The following DPYSL3 variants were observed in gnomAD, a reference collection of about 807,000 sequenced individuals.
DPYSL3 encodes the protein dihydropyrimidinase like 3.
DPYSL3 carries 16 observed loss-of-function variants against 66.1 expected under a neutral mutation model. That is an observed-to-expected ratio of 0.24 (90% confidence interval 0.16 to 0.37). The LOEUF (loss-of-function observed/expected upper bound fraction) is 0.37. Ranked by LOEUF, DPYSL3 falls within the 10% of genes least tolerant of loss-of-function variation. The pLI is 1.00. For missense variants in DPYSL3, 738 were observed against 916.2 expected (o/e 0.81, Z 2.51); for synonymous variants, 338 against 345.1 (o/e 0.98, Z 0.23).
chr5:147,395,882 A>G (rs1757956048), intron 12 of DPYSL3, among the ~76,000 whole-genome samples, 161 bp from the exon 13 acceptor site: 1 of 152,198 alleles, frequency 6.6e-6, no homozygotes. Flanking sequence ...AAATAAATAA[A>G]GGAGGATGTG....
intron 1 of DPYSL3, among the ~76,000 whole-genome samples, chr5:147,485,475 G>A (rs1458360022): frequency 2.0e-5 from 3 of 151,948 alleles, no homozygotes. Context: ...ATATGAATAT[G>A]ACATTATTTA....
At chr5:147,452,288 C>T (rs1443487169) in intron 1 of DPYSL3, among the ~76,000 whole-genome samples, 4 of 152,180 alleles carry the variant, frequency 2.6e-5, no homozygotes, top group Admixed American at 2.6e-4. Context: ...CAAACAGACT[C>T]ATGCCCACAA....
chr5:147,402,458 C>T (rs1378700502), intron 8 of DPYSL3, among the ~76,000 whole-genome samples: 1 of 148,052 alleles, frequency 6.8e-6, no homozygotes, highest in Non-Finnish European at 1.5e-5. Flanking sequence ...CGCCATTCTC[C>T]TGCCTCAGCC....
intron 1 of DPYSL3, among the ~76,000 whole-genome samples, chr5:147,476,643 A>G (rs570184349): frequency 1.3e-5 from 2 of 152,154 alleles, no homozygotes; most frequent in Non-Finnish European, 2.9e-5. Context: ...AAAAATGCAA[A>G]CTGGTGAAAT....
rs1213688457 is a variant in DPYSL3, at chr5:147,460,273, C to T, written c.382-35310G>A. 5.3e-5 allele frequency among the ~76,000 whole-genome samples: 8 copies of T among 152,190 alleles called. No homozygotes were observed. In the South Asian group the frequency reaches 1.2e-3, roughly 24 times the overall value. ...GCATCATGGGGAGAGATACTATAGTCTGATGAACTTATCTGAACTTCAGAA... is the reference window on the plus strand; with the variant it reads ...GCATCATGGGGAGAGATACTATAGTTTGATGAACTTATCTGAACTTCAGAA... On this transcript the variant is annotated intron_variant, in intron 1 of 13. Transcript: ENST00000343218.
At chr5:147,422,659 T>C (rs758614548) in intron 2 of DPYSL3, among the ~76,000 whole-genome samples, 1 of 151,906 alleles carries the variant, frequency 6.6e-6, no homozygotes, top group African/African-American at 2.4e-5. Context: ...CATCATGAAA[T>C]ACTATGCAGC....
chr5:147,453,652 C>G (rs923117377), intron 1 of DPYSL3: 1 of 1,501,986 alleles, frequency 6.7e-7, no homozygotes, highest in Non-Finnish European at 8.9e-7. Context: ...TCGCCCGCGC[C>G]TTCCTCAGCG....
In DPYSL3 at chr5:147,509,926, G is replaced by T; in HGVS notation, c.-68C>A. 1 of 1,452,916 alleles carries T rather than the reference G, an allele frequency of 6.9e-7. No homozygotes were observed. Among genetic ancestry groups the T allele is most frequent in the Non-Finnish European group, 9.0e-7 (1 of 1,105,516 alleles). 90.0% of individuals were successfully genotyped at this position (1,452,916 alleles called of 1,614,324 possible). On this transcript the variant is annotated 5_prime_UTR_variant, in exon 1 of 14. Transcript: ENST00000343218. The surrounding 1 kb of genome is among the most constrained non-coding windows in gnomAD (Gnocchi z 5.3). Reference sequence around the variant, plus strand: ...GGCGGAAAGGGCAGCCGCCGGCAGCGTGCGCCGAGCCACAGTGACTGTGGC... The same window carrying T: ...GGCGGAAAGGGCAGCCGCCGGCAGCTTGCGCCGAGCCACAGTGACTGTGGC...
chr5:147,478,758 T>C lies in DPYSL3; in HGVS notation c.381+30720A>G, dbSNP rs139800173. ...TTGAGGCTGTGGGGAACCTTTCTTA[T>C]CCCTCAAGGTTGGTTCTCTATCTGT... is the stretch of plus-strand genomic sequence containing the variant. On this transcript the variant is annotated intron_variant, in intron 1 of 13. Transcript: ENST00000343218. Among the ~76,000 whole-genome samples, 22 of 152,272 alleles carry C rather than the reference T, an allele frequency of 1.4e-4. No individual in the cohort carries two copies. In the East Asian group the frequency reaches 4.3e-3, roughly 29 times the overall value.
intron 2 of DPYSL3, among the ~76,000 whole-genome samples, chr5:147,422,154 A>G (rs1752093849): frequency 6.6e-6 from 1 of 152,182 alleles, no homozygotes; most frequent in African/African-American, 2.4e-5. Flanking sequence ...ACTTTACAAG[A>G]AAAAAACAAA....
chr5:147,500,440 C>A (rs148659125), intron 1 of DPYSL3, among the ~76,000 whole-genome samples: 2 of 151,882 alleles, frequency 1.3e-5, no homozygotes, highest in Non-Finnish European at 2.9e-5. Context: ...ATGGTGAAAT[C>A]GCATATCTAC....
chr5:147,494,709 CAAAAAAAAA>C (rs35761170), intron 1 of DPYSL3, among the ~76,000 whole-genome samples: 3 of 83,564 alleles, frequency 3.6e-5, no homozygotes, highest in Non-Finnish European at 7.2e-5. Flanking sequence ...ACGAAAAATA[CAAAAAAAAA>C]AAAAAAAAAA....
At chr5:147,495,982 T>C (rs570309287) in intron 1 of DPYSL3, among the ~76,000 whole-genome samples, 1 of 152,338 alleles carries the variant, frequency 6.6e-6, no homozygotes, top group South Asian at 2.1e-4. Context: ...GGCATCATGC[T>C]ACCTGACTTC....
At chr5:147,457,810 G>A (rs1752875301) in intron 1 of DPYSL3, among the ~76,000 whole-genome samples, 1 of 152,168 alleles carries the variant, frequency 6.6e-6, no homozygotes, top group Non-Finnish European at 1.5e-5. Flanking sequence ...TGTTTGAGTG[G>A]AGGGCTTGCC....
chr5:147,431,827 T>G (rs1265404801), intron 1 of DPYSL3, among the ~76,000 whole-genome samples: 2 of 152,004 alleles, frequency 1.3e-5, no homozygotes, highest in African/African-American at 4.8e-5. Context: ...AAATAAGCCC[T>G]TGTGAGGAGA....
At chr5:147,465,459 C>G (rs2126416031) in intron 1 of DPYSL3, among the ~76,000 whole-genome samples, 1 of 152,232 alleles carries the variant, frequency 6.6e-6, no homozygotes, top group South Asian at 2.1e-4. Context: ...GCCGCCACGC[C>G]TGGCTAATTT....
Position 147,498,894 on chromosome 5 carries a change from T to G in DPYSL3, c.381+10584A>C, listed in dbSNP as rs186324822. Among the ~76,000 whole-genome samples the G allele has an allele frequency of 3.9e-3, 591 of 152,338 alleles. 2 individuals are homozygous for G. The highest frequency in any genetic ancestry group is 7.0e-3 in the Non-Finnish European group (473 of 68,032). On this transcript the variant is annotated intron_variant, in intron 1 of 13. Transcript: ENST00000343218. ...ATTGTCTGTTTCCTCTGATAATAGT[T>G]TCTTTTGCTGTGCAGAAGCTCCTTA...
intron 4 of DPYSL3, among the ~76,000 whole-genome samples, chr5:147,413,945 T>G (rs1751911255): frequency 6.6e-6 from 1 of 152,178 alleles, no homozygotes; most frequent in South Asian, 2.1e-4. Context: ...CAATAAACTT[T>G]GTTATTGCTC....
chr5:147,419,846 C>A (rs1282174029), intron 2 of DPYSL3, among the ~76,000 whole-genome samples: 2 of 152,214 alleles, frequency 1.3e-5, no homozygotes, highest in Non-Finnish European at 2.9e-5. Context: ...AATGCAGCCT[C>A]TGATCCTAAG....
Sources: allele counts gnomAD v4.1 joint callset (sites outside exome capture counted in the v4.1 genomes callset), GRCh38; gene constraint gnomAD v4.1.1; non-coding constraint Gnocchi (gnomAD v3.1); transcripts MANE v1.5; gene names NCBI Gene and HGNC (gene_info 2026-07-23, HGNC 2026-07-21).